The following PCSK2 variants were observed in gnomAD, a reference collection of about 807,000 sequenced individuals.
PCSK2 encodes the protein proprotein convertase subtilisin/kexin type 2, also known as neuroendocrine convertase 2.
Under a neutral mutation model 69.7 loss-of-function variants are expected in PCSK2, and 14 were observed. The ratio of observed to expected loss-of-function variants is 0.20; its 90% CI spans 0.13 to 0.31. The LOEUF is 0.31. PCSK2 is among the 10% of genes least tolerant of loss of function. PCSK2 has a pLI of 1.00. For synonymous variants in PCSK2, 307 were observed against 320.7 expected (o/e 0.96, Z 0.46); for missense variants, 544 against 842.5 (o/e 0.65, Z 4.39).
chr20:17,252,099 G>A (rs186267813), intron 1 of PCSK2, among the ~76,000 whole-genome samples: 268 of 152,208 alleles, frequency 1.8e-3, no homozygotes, highest in Middle Eastern at 3.4e-3. Flanking sequence ...GGCCCCTTAT[G>A]ACTTAGATTC....
At chr20:17,449,159 A>G (rs2032756833) in intron 8 of PCSK2, among the ~76,000 whole-genome samples, 1 of 152,170 alleles carries the variant, frequency 6.6e-6, no homozygotes. Context: ...CTGGGATTAC[A>G]GGCATGAGCC....
chr20:17,350,435 C>T (rs1358889999), intron 2 of PCSK2, among the ~76,000 whole-genome samples: 1 of 151,760 alleles, frequency 6.6e-6, no homozygotes, highest in Non-Finnish European at 1.5e-5. Context: ...GCAGGTTTCC[C>T]CTTTGCTCCC....
chr20:17,351,154 T>G (rs1281145803), intron 2 of PCSK2, among the ~76,000 whole-genome samples: 1 of 152,052 alleles, frequency 6.6e-6, no homozygotes, highest in Non-Finnish European at 1.5e-5. Context: ...TGGCACATCA[T>G]AGAGAGACTA....
At chr20:17,449,931 C>T (rs886099724) in intron 8 of PCSK2, among the ~76,000 whole-genome samples, 1 of 151,158 alleles carries the variant, frequency 6.6e-6, no homozygotes, top group Non-Finnish European at 1.5e-5. Flanking sequence ...CATCTTCGTC[C>T]CTCCTTCCAT....
chr20:17,427,516 C>A (rs2032273429), intron 6 of PCSK2, among the ~76,000 whole-genome samples: 1 of 152,230 alleles, frequency 6.6e-6, no homozygotes, highest in African/African-American at 2.4e-5. Flanking sequence ...GCTCCCCACA[C>A]GTGAGCCATG....
intron 11 of PCSK2, chr20:17,479,159 C>T (rs966168543): frequency 7.2e-7 from 1 of 1,387,208 alleles, no homozygotes; most frequent in Admixed American, 1.7e-5. Flanking sequence ...GTACAGGTTC[C>T]ATCAGATGTG....
intron 6 of PCSK2, among the ~76,000 whole-genome samples, chr20:17,426,842 C>T (rs1453094531): frequency 6.6e-6 from 1 of 152,210 alleles, no homozygotes; most frequent in Non-Finnish European, 1.5e-5. Flanking sequence ...TAGTCAATGT[C>T]CACAAATTGA....
chr20:17,352,752 G>T (rs1019107548), intron 2 of PCSK2, among the ~76,000 whole-genome samples: 3 of 152,150 alleles, frequency 2.0e-5, no homozygotes, highest in Non-Finnish European at 4.4e-5. Context: ...AACTCTAGAA[G>T]AAAACCTAGG....
chr20:17,288,347 A>T (rs1024031913), intron 2 of PCSK2, among the ~76,000 whole-genome samples: 1 of 152,210 alleles, frequency 6.6e-6, no homozygotes, highest in Non-Finnish European at 1.5e-5. Flanking sequence ...TCTGTCACAG[A>T]GGAGGGTGGC....
intron 5 of PCSK2, among the ~76,000 whole-genome samples, chr20:17,398,546 A>AAC (rs1491454971): frequency 6.8e-6 from 1 of 147,934 alleles, no homozygotes; most frequent in African/African-American, 2.5e-5. Context: ...AAAAAAAAAA[A>AAC]TGCAGATTCA....
chr20:17,258,413 T>C (rs974663626), intron 1 of PCSK2, among the ~76,000 whole-genome samples: 1 of 152,230 alleles, frequency 6.6e-6, no homozygotes, highest in African/African-American at 2.4e-5. Flanking sequence ...CAGTAGATTT[T>C]TGAAGGTTCT....
chr20:17,226,816 T>G (rs1985921552), upstream of PCSK2, among the ~76,000 whole-genome samples: 1 of 124,426 alleles, frequency 8.0e-6, no homozygotes, highest in Admixed American at 8.9e-5. Flanking sequence ...TGCGCTGCGC[T>G]GCGCTGCGCC....
At chr20:17,340,426 T>C (rs1990477173) in intron 2 of PCSK2, among the ~76,000 whole-genome samples, 1 of 152,266 alleles carries the variant, frequency 6.6e-6, no homozygotes, top group African/African-American at 2.4e-5. Flanking sequence ...AGTCCATTTC[T>C]GCATTGTGAA....
chr20:17,449,820 C>A (rs2032784086), intron 8 of PCSK2, among the ~76,000 whole-genome samples: 1 of 151,880 alleles, frequency 6.6e-6, no homozygotes, highest in South Asian at 2.1e-4. Flanking sequence ...AGCCACTGCA[C>A]CTGGCACATT....
At chr20:17,461,488 G>A (rs992815500) in intron 10 of PCSK2, among the ~76,000 whole-genome samples, 1 of 152,286 alleles carries the variant, frequency 6.6e-6, no homozygotes, top group East Asian at 1.9e-4. Context: ...AGTTTACATT[G>A]TCAGATAAAG....
intron 1 of PCSK2, among the ~76,000 whole-genome samples, chr20:17,229,207 G>A (rs1986052420): frequency 6.6e-6 from 1 of 151,902 alleles, no homozygotes; most frequent in Non-Finnish European, 1.5e-5. Context: ...CCCCGTTGAG[G>A]AAATTGGTTC....
intron 7 of PCSK2, among the ~76,000 whole-genome samples, chr20:17,434,375 T>TGCA (rs11471448): frequency 0.64 from 97,672 of 151,524 alleles, 31,705 homozygotes; most frequent in South Asian, 0.73. Flanking sequence ...CTGTCTTGGC[T>TGCA]TGGTGCAGTT....
At chr20:17,432,792 G>A (rs1053955322) in intron 7 of PCSK2, among the ~76,000 whole-genome samples, 2 of 152,234 alleles carry the variant, frequency 1.3e-5, no homozygotes, top group African/African-American at 4.8e-5. Context: ...CTGCCTTCAG[G>A]CCTTTTGTGT....
At chr20:17,442,719 C>G (rs975925600) in intron 8 of PCSK2, among the ~76,000 whole-genome samples, 2 of 152,178 alleles carry the variant, frequency 1.3e-5, no homozygotes, top group African/African-American at 2.4e-5. Context: ...CTCCCAATAA[C>G]GTCACACTGG....
Sources: allele counts gnomAD v4.1 joint callset (sites outside exome capture counted in the v4.1 genomes callset), GRCh38; gene constraint gnomAD v4.1.1; transcripts MANE v1.5; gene names NCBI Gene and HGNC (gene_info 2026-07-23, HGNC 2026-07-21).